ATPAF1: variants seen among roughly 807,000 people sequenced by gnomAD.
ATPAF1 encodes the protein homolog of yeast ATP11.
Under a neutral mutation model 43.9 loss-of-function variants are expected in ATPAF1, and 26 were observed. The observed-to-expected ratio is 0.59, with a 90% CI of 0.43 to 0.82. The LOEUF (loss-of-function observed/expected upper bound fraction) is 0.82. Among genes scored for constraint, ATPAF1 ranks in the 40% least tolerant of loss-of-function variants. The pLI is 0.00. For synonymous variants in ATPAF1, 157 were observed against 168.0 expected (o/e 0.93, Z 0.50); for missense variants, 366 against 435.0 (o/e 0.84, Z 1.41).
At chr1:46,640,091 T>G (rs1238053966) in intron 8 of ATPAF1, among the ~76,000 whole-genome samples, 1 of 152,190 alleles carries the variant, frequency 6.6e-6, no homozygotes, top group East Asian at 1.9e-4. Flanking sequence ...CCATTAGGAC[T>G]CATAATTCTT....
intron 8 of ATPAF1, among the ~76,000 whole-genome samples, chr1:46,641,896 G>T (rs1009074736): frequency 1.3e-5 from 2 of 151,994 alleles, no homozygotes; most frequent in South Asian, 4.1e-4. Flanking sequence ...TCAGTCCTAT[G>T]GTTTTAAGTA....
intron 2 of ATPAF1, chr1:46,664,071 G>T: frequency 3.5e-6 from 1 of 287,548 alleles, no homozygotes; most frequent in Non-Finnish European, 6.2e-6. Context: ...TTTTTTTTCA[G>T]TTACAATCAT....
chr1:46,666,793 G>A (rs751994780), intron 1 of ATPAF1, among the ~76,000 whole-genome samples: 1 of 152,228 alleles, frequency 6.6e-6, no homozygotes, highest in African/African-American at 2.4e-5. Flanking sequence ...TTAGAGGTCA[G>A]TGGGGGGATA....
chr1:46,638,986 T>C (rs1386422326), intron 8 of ATPAF1, among the ~76,000 whole-genome samples: 2 of 152,230 alleles, frequency 1.3e-5, no homozygotes, highest in Non-Finnish European at 2.9e-5. Flanking sequence ...ATACCACTGC[T>C]GTAGTTCAAG....
At chr1:46,633,557 G>C (rs1472633953), downstream of ATPAF1, 1 of 384,246 alleles carries the variant, frequency 2.6e-6, no homozygotes, top group Non-Finnish European at 5.0e-6. Context: ...CTAGCACCAG[G>C]GGACAAATTT....
upstream of ATPAF1, chr1:46,668,474 G>A (rs889155627): frequency 7.8e-6 from 8 of 1,030,866 alleles, no homozygotes; most frequent in Admixed American, 9.8e-5. This position sits in a 1 kb window ranked among gnomAD's most constrained non-coding sequence, Gnocchi z 4.4. Flanking sequence ...GCGGCGAGGC[G>A]GGGCGGGGAG....
At chr1:46,658,250 C>T (rs1676314279) in intron 3 of ATPAF1, 61 bp from the exon 4 acceptor site, 2 of 1,196,142 alleles carry the variant, frequency 1.7e-6, no homozygotes, top group Middle Eastern at 2.5e-4. Flanking sequence ...AACAGCTTAA[C>T]TCTATCTCTA....
Position 46,658,223 on chromosome 1 carries a change from A to C in ATPAF1, c.427-34T>G, listed in dbSNP as rs200107728. ...AGACAATAAAAAGCAATTAACACAT[A>C]ATTAAAAAAAAAAAAAAACAGCTTA... On this transcript the variant is annotated intron_variant, in intron 3 of 8. Transcript: ENST00000574428. The C allele has an allele frequency of 4.2e-5, 60 of 1,431,616 alleles. No individual in the cohort carries two copies. In the African/African-American group the frequency reaches 9.0e-4, roughly 22 times the overall value. The allele number at this position is 1,431,616 out of a possible 1,614,324, so 88.7% of individuals were successfully genotyped here.
downstream of ATPAF1, chr1:46,633,461 C>A: frequency 4.0e-6 from 1 of 248,702 alleles, no homozygotes; most frequent in Non-Finnish European, 7.8e-6. Context: ...ATTTGTTCAA[C>A]AGTATAGAGC....
intron 8 of ATPAF1, among the ~76,000 whole-genome samples, chr1:46,640,803 C>G (rs1488413142): frequency 6.6e-6 from 1 of 152,206 alleles, no homozygotes; most frequent in Non-Finnish European, 1.5e-5. Flanking sequence ...TGTACTTCCT[C>G]TTTTTGACTC....
rs549870095 is a variant in ATPAF1 at position 46,653,048 on chromosome 1, C to T, written c.541-420G>A. 6.6e-6 allele frequency among the ~76,000 whole-genome samples: 1 copy of T among 151,950 alleles called. No individual in the cohort carries two copies. On this transcript the variant is annotated intron_variant, in intron 5 of 8. Coordinates refer to ENST00000574428, the Ensembl canonical transcript of ATPAF1. The surrounding 1 kb of genome is among the most constrained non-coding windows in gnomAD (Gnocchi z 4.8). ...TATGAGAGATTAAAAAAAAAGATAGCGATACCATCATAACCACCAAAAGGC... is the reference window on the plus strand; with the variant it reads ...TATGAGAGATTAAAAAAAAAGATAGTGATACCATCATAACCACCAAAAGGC...
chr1:46,637,412 G>T (rs1159071482), intron 8 of ATPAF1, among the ~76,000 whole-genome samples: 1 of 152,024 alleles, frequency 6.6e-6, no homozygotes, highest in Non-Finnish European at 1.5e-5. Flanking sequence ...ACAGAGATGG[G>T]GGTTAGAACA....
At chr1:46,647,577 T>C (rs1676068182) in intron 6 of ATPAF1, among the ~76,000 whole-genome samples, 2 of 152,214 alleles carry the variant, frequency 1.3e-5, no homozygotes, top group South Asian at 2.1e-4. Context: ...ACATTTGCAT[T>C]GTTTCCAGCA....
chr1:46,667,435 A>G (rs1676509974), intron 1 of ATPAF1, among the ~76,000 whole-genome samples: 1 of 152,108 alleles, frequency 6.6e-6, no homozygotes, highest in African/African-American at 2.4e-5. Flanking sequence ...TAAGCTCCAG[A>G]TCCTTCCCTC....
rs181143738 is a variant in ATPAF1, at chr1:46,659,106, G to A, written c.376-369C>T. 5.5e-3 allele frequency among the ~76,000 whole-genome samples: 839 copies of A among 152,076 alleles called. 11 individuals carry two copies. Among genetic ancestry groups the A allele is most frequent in the East Asian group, 0.034 (174 of 5,176 alleles). On this transcript the variant is annotated intron_variant, in intron 2 of 8. Transcript: ENST00000574428. Reference sequence around the variant, plus strand: ...CTTGGGAGGCTGAGGCAGGAGAACCGCTTGAACCCAGGAGGCGGAGGATGC... The same window carrying A: ...CTTGGGAGGCTGAGGCAGGAGAACCACTTGAACCCAGGAGGCGGAGGATGC...
intron 7 of ATPAF1, 142 bp from the exon 8 acceptor site, chr1:46,643,443 G>A: frequency 1.6e-6 from 1 of 625,842 alleles, no homozygotes. Context: ...GGTATGTGGT[G>A]GTAAGGTCAG....
At chr1:46,635,017 A>T (rs1455970981), downstream of ATPAF1, 1 of 152,594 alleles carries the variant, frequency 6.6e-6, no homozygotes, top group Non-Finnish European at 1.5e-5. Context: ...AGTTGTTTTT[A>T]AAAAAATCAT....
chr1:46,651,154 C>T (rs1676160175), intron 6 of ATPAF1, among the ~76,000 whole-genome samples: 1 of 151,978 alleles, frequency 6.6e-6, no homozygotes, highest in Non-Finnish European at 1.5e-5. Flanking sequence ...CCCCACTCCC[C>T]CCACCCCACA....
At chr1:46,646,644 C>A (rs529831237) in intron 6 of ATPAF1, among the ~76,000 whole-genome samples, 1 of 152,230 alleles carries the variant, frequency 6.6e-6, no homozygotes, top group African/African-American at 2.4e-5. Flanking sequence ...AAACTTAGTG[C>A]CTACTTGACA....
Sources: gnomAD v4.1 joint callset for allele counts (sites outside exome capture counted in the v4.1 genomes callset) on GRCh38, gnomAD v4.1.1 for gene constraint, Gnocchi (gnomAD v3.1) non-coding constraint, MANE v1.5 for transcripts, NCBI Gene and HGNC (gene_info 2026-07-23, HGNC 2026-07-21) for gene names.